BTBD9: variants seen among roughly 807,000 people sequenced by gnomAD.
BTBD9 encodes BTB/POZ domain-containing protein 9.
In BTBD9, 49 loss-of-function variants were observed where a neutral mutation model predicts 64.3. That is an observed-to-expected ratio of 0.76 (90% confidence interval 0.61 to 0.97). The LOEUF is 0.97. Ranked by LOEUF, BTBD9 falls within the 50% of genes least tolerant of loss-of-function variation. The pLI is 0.00. For missense variants in BTBD9, 598 were observed against 762.1 expected (o/e 0.78, Z 2.53); for synonymous variants, 260 against 274.7 (o/e 0.95, Z 0.53).
chr6:38,182,845 A>G (rs940511736), intron 10 of BTBD9, among the ~76,000 whole-genome samples: 17 of 152,222 alleles, frequency 1.1e-4, no homozygotes, highest in African/African-American at 3.9e-4. Flanking sequence ...TGTTGCTCCA[A>G]TATGACAGGT....
chr6:38,588,076 C>T, intron 4 of BTBD9: 1 of 730,004 alleles, frequency 1.4e-6, no homozygotes, highest in South Asian at 1.5e-5. Context: ...ATCAATAGTA[C>T]CAGCAACAGG....
At chr6:38,426,691 C>T (rs1768173583) in intron 6 of BTBD9, among the ~76,000 whole-genome samples, 1 of 151,926 alleles carries the variant, frequency 6.6e-6, no homozygotes, top group South Asian at 2.1e-4. Context: ...TGGGTTCGTC[C>T]TAATTGAGCT....
intron 10 of BTBD9, among the ~76,000 whole-genome samples, chr6:38,182,718 G>A (rs1186430350): frequency 1.3e-5 from 2 of 152,222 alleles, no homozygotes; most frequent in East Asian, 3.9e-4. Flanking sequence ...GGACACATCT[G>A]AGGGGACCCT....
At chr6:38,339,796 C>T (rs1764031970) in intron 7 of BTBD9, among the ~76,000 whole-genome samples, 1 of 151,988 alleles carries the variant, frequency 6.6e-6, no homozygotes, top group Non-Finnish European at 1.5e-5. Context: ...AAAGGCAATC[C>T]CTAAATATTG....
chr6:38,392,990 T>G (rs1439082927), intron 6 of BTBD9, among the ~76,000 whole-genome samples: 3 of 151,702 alleles, frequency 2.0e-5, no homozygotes, highest in African/African-American at 7.3e-5. Flanking sequence ...TTCTCCTGCC[T>G]CAGGCTCCTG....
chr6:38,459,893 C>T (rs978596485), intron 6 of BTBD9, among the ~76,000 whole-genome samples: 1 of 152,186 alleles, frequency 6.6e-6, no homozygotes, highest in African/African-American at 2.4e-5. Flanking sequence ...TTATTTCTTA[C>T]TGTGACCTCC....
At chr6:38,272,922 T>C (rs113215594) in intron 8 of BTBD9, among the ~76,000 whole-genome samples, 1,850 of 152,322 alleles carry the variant, frequency 0.012, 35 homozygotes, top group African/African-American at 0.04. Flanking sequence ...GGTATATAAC[T>C]GTCTAAAGGA....
intron 6 of BTBD9, among the ~76,000 whole-genome samples, chr6:38,474,514 C>T (rs1311072719): frequency 6.6e-6 from 1 of 151,932 alleles, no homozygotes; most frequent in Non-Finnish European, 1.5e-5. Context: ...AAGAGTGAGA[C>T]TCTGTCTCAA....
intron 9 of BTBD9, among the ~76,000 whole-genome samples, chr6:38,238,517 G>A (rs1763874317): frequency 7.4e-6 from 1 of 135,196 alleles, no homozygotes; most frequent in South Asian, 2.3e-4. Context: ...CTGTCGCCCA[G>A]GCTGGAGTGC....
chr6:38,210,178 A>G (rs1434432763), intron 9 of BTBD9, among the ~76,000 whole-genome samples: 2 of 152,214 alleles, frequency 1.3e-5, no homozygotes, highest in African/African-American at 2.4e-5. Context: ...AAGGGGATGC[A>G]GTAATTGATG....
At chr6:38,545,855 TACACACAC>T (rs34465570) in intron 6 of BTBD9, among the ~76,000 whole-genome samples, 10,634 of 130,548 alleles carry the variant, frequency 0.081, 475 homozygotes, top group Non-Finnish European at 0.097. Flanking sequence ...CACACACACA[TACACACAC>T]ACACACACAC....
chr6:38,217,772 T>G (rs1582066602), intron 9 of BTBD9, among the ~76,000 whole-genome samples: 1 of 151,964 alleles, frequency 6.6e-6, no homozygotes, highest in East Asian at 1.9e-4. Flanking sequence ...CCGCATGGCC[T>G]TGGGCAAATC....
Position 38,580,374 on chromosome 6 carries a change from G to C in BTBD9, c.878C>G (p.Ser293Ter). Residue 293 changes from serine (S) to a stop codon, truncating the protein, a stop_gained, in exon 5 of 11, where the codon TCA (serine) becomes TGA (stop). Transcript: ENST00000481247. LOFTEE classifies it high-confidence loss of function. ...GAQVVKGELKSALLDGDTQNY... is the reference protein window; with the variant it reads ...GAQVVKGELK The stretch of plus-strand genomic sequence containing the variant: ...TTGAGTATCACCATCTAATAAGGCT[G>C]ATTTCAGCTCCCCCTTTACAACTTG... 2 of 1,614,176 alleles carry C rather than the reference G, an allele frequency of 1.2e-6. No individual in the cohort carries two copies. The highest frequency in any genetic ancestry group is 1.7e-6 in the Non-Finnish European group (2 of 1,180,036).
chr6:38,384,890 C>T lies in BTBD9; in HGVS notation c.1155-39797G>A, dbSNP rs552455423. On this transcript the variant is annotated intron_variant, in intron 6 of 10. Coordinates refer to ENST00000481247, the MANE Select transcript of BTBD9 (RefSeq NM_001099272.2). ...CAACATGGGGAAAGCAAGTTCTGTCCAGTGTTAGTGTAGGAATATAATCAA... is the reference window on the plus strand; with the variant it reads ...CAACATGGGGAAAGCAAGTTCTGTCTAGTGTTAGTGTAGGAATATAATCAA... 2.6e-5 allele frequency among the ~76,000 whole-genome samples: 4 copies of T among 151,912 alleles called. No homozygotes were observed. In the South Asian group the frequency reaches 8.4e-4, roughly 32 times the overall value.
At chr6:38,302,987 A>ATTAT in intron 7 of BTBD9, among the ~76,000 whole-genome samples, 1 of 151,894 alleles carries the variant, frequency 6.6e-6, no homozygotes, top group African/African-American at 2.4e-5. Context: ...TTTCCATTGG[A>ATTAT]TTATTTATTT....
rs1264693021 is a variant in BTBD9 at position 38,434,992 on chromosome 6, C to T, written c.1155-89899G>A. ...GGTGGATCACCTGAGGTCGGGAGTT[C>T]GAGACCAGCCTGACCAACATGGAGA... On this transcript the variant is annotated intron_variant, in intron 6 of 10. Coordinates refer to ENST00000481247, the MANE Select transcript of BTBD9 (RefSeq NM_001099272.2). 5.3e-5 allele frequency among the ~76,000 whole-genome samples: 8 copies of T among 151,670 alleles called. 1 individual carries two copies. The highest frequency in any genetic ancestry group is 1.7e-4 in the African/African-American group (7 of 41,076).
intron 7 of BTBD9, among the ~76,000 whole-genome samples, chr6:38,325,017 C>T (rs1236704324): frequency 6.6e-6 from 1 of 152,024 alleles, no homozygotes; most frequent in Non-Finnish European, 1.5e-5. Flanking sequence ...ACAGTGATGA[C>T]ATACGGTAAG....
chr6:38,315,478 T>C (rs1479901134), intron 7 of BTBD9, among the ~76,000 whole-genome samples: 4 of 152,152 alleles, frequency 2.6e-5, no homozygotes, highest in African/African-American at 9.7e-5. Context: ...TGGTTTTTTT[T>C]TTAAATCCCA....
chr6:38,631,989 G>A (rs983177945), intron 1 of BTBD9, among the ~76,000 whole-genome samples: 5 of 152,144 alleles, frequency 3.3e-5, no homozygotes, highest in Non-Finnish European at 7.3e-5. Context: ...TTAGCCTGGC[G>A]TGGTGGCGCA....
Sources: gnomAD v4.1 joint callset for allele counts (sites outside exome capture counted in the v4.1 genomes callset) on GRCh38, gnomAD v4.1.1 for gene constraint, MANE v1.5 for transcripts, NCBI Gene and HGNC (gene_info 2026-07-23, HGNC 2026-07-21) for gene names.